CACNA2D1: variants seen among roughly 807,000 people sequenced by gnomAD.
CACNA2D1 encodes the protein calcium voltage-gated channel auxiliary subunit alpha2delta 1.
CACNA2D1 carries 53 observed loss-of-function variants against 171.5 expected under a neutral mutation model. That is an observed-to-expected ratio of 0.31 (90% CI 0.25 to 0.39). The LOEUF is 0.39. Ranked by LOEUF, CACNA2D1 falls within the 10% of genes least tolerant of loss-of-function variation. CACNA2D1 has a pLI of 1.00. For synonymous variants in CACNA2D1, 442 were observed against 443.1 expected (o/e 1.00, Z 0.03); for missense variants, 903 against 1,299.8 (o/e 0.69, Z 4.69).
chr7:82,271,226 TAGAAA>T (rs375735105), intron 3 of CACNA2D1, among the ~76,000 whole-genome samples: 46 of 152,176 alleles, frequency 3.0e-4, no homozygotes, highest in African/African-American at 1.1e-3. Flanking sequence ...ATTCATCATG[TAGAAA>T]AGAAAAGTAC....
chr7:82,054,880 A>AT (rs1805615471), intron 10 of CACNA2D1, among the ~76,000 whole-genome samples: 1 of 152,222 alleles, frequency 6.6e-6, no homozygotes, highest in South Asian at 2.1e-4. Context: ...TTTGAGAGAC[A>AT]TGGGGACAAC....
At chr7:82,055,965 A>G (rs1440653415) in intron 10 of CACNA2D1, among the ~76,000 whole-genome samples, 1 of 127,650 alleles carries the variant, frequency 7.8e-6, no homozygotes, top group African/African-American at 3.0e-5. Context: ...TAAAAAAAGG[A>G]AAGAATCCCA....
At chr7:82,235,098 A>G (rs1585178079) in intron 3 of CACNA2D1, among the ~76,000 whole-genome samples, 2 of 152,184 alleles carry the variant, frequency 1.3e-5, no homozygotes, top group East Asian at 3.9e-4. Flanking sequence ...TGAGCACACT[A>G]AAAAAGGAAA....
At chr7:82,300,091 G>C (rs1364127394) in intron 3 of CACNA2D1, among the ~76,000 whole-genome samples, 1 of 152,070 alleles carries the variant, frequency 6.6e-6, no homozygotes, top group African/African-American at 2.4e-5. Flanking sequence ...ATAACAATAG[G>C]GGTGGGTGTC....
chr7:82,303,244 A>G (rs1585409107), intron 3 of CACNA2D1, among the ~76,000 whole-genome samples: 1 of 151,886 alleles, frequency 6.6e-6, no homozygotes, highest in Non-Finnish European at 1.5e-5. Flanking sequence ...TGATCTGCCC[A>G]CCTTGGCCTC....
chr7:82,437,112 G>A (rs192941172), intron 1 of CACNA2D1, among the ~76,000 whole-genome samples: 2 of 152,202 alleles, frequency 1.3e-5, no homozygotes, highest in East Asian at 3.9e-4. Flanking sequence ...AGATTGAAGT[G>A]AAAAGGACCT....
chr7:82,332,546 G>GAAAGAAAGAAAGAA (rs1374587912), intron 3 of CACNA2D1, among the ~76,000 whole-genome samples: 2 of 133,314 alleles, frequency 1.5e-5, no homozygotes, highest in Non-Finnish European at 3.4e-5. Context: ...AAGAAAGAAA[G>GAAAGAAAGAAAGAA]AAAGAAAGAA....
intron 4 of CACNA2D1, among the ~76,000 whole-genome samples, chr7:82,169,956 A>G (rs1795847014): frequency 6.6e-6 from 1 of 151,604 alleles, no homozygotes. Context: ...TAAACTAGTA[A>G]CTCTTAGTTC....
chr7:82,141,903 A>G (rs1792441305), intron 4 of CACNA2D1, among the ~76,000 whole-genome samples: 1 of 152,216 alleles, frequency 6.6e-6, no homozygotes, highest in Non-Finnish European at 1.5e-5. Context: ...ATCATTTAAT[A>G]CTTTAATTAA....
rs188093934 is a variant in CACNA2D1 at position 82,399,527 on chromosome 7, G to C, written c.95+43838C>G. 3.8e-3 allele frequency among the ~76,000 whole-genome samples: 585 copies of C among 151,958 alleles called. 3 individuals carry two copies. The highest frequency in any genetic ancestry group is 0.013 in the African/African-American group (556 of 41,448). Reference sequence around the variant, plus strand: ...GATAGTAAAACAATTTAGAAAAAAAGTTCTTAACAATGATAAAACAATGAT... The same window carrying C: ...GATAGTAAAACAATTTAGAAAAAAACTTCTTAACAATGATAAAACAATGAT... On this transcript the variant is annotated intron_variant, in intron 1 of 38. Transcript: ENST00000356860.
At chr7:82,210,017 C>T (rs1360298121) in intron 3 of CACNA2D1, among the ~76,000 whole-genome samples, 1 of 152,060 alleles carries the variant, frequency 6.6e-6, no homozygotes, top group African/African-American at 2.4e-5. Context: ...TTGTGGAGGT[C>T]AGTAGTCAAG....
rs553282393 is a variant in CACNA2D1, at chr7:82,161,058, T to C, written c.354+9492A>G. Among the ~76,000 whole-genome samples the C allele has an allele frequency of 2.6e-4, 40 of 152,194 alleles. 1 individual carries two copies. Among genetic ancestry groups the C allele is most frequent in the Middle Eastern group, 6.8e-3 (2 of 294 alleles). On this transcript the variant is annotated intron_variant, in intron 4 of 38. Coordinates refer to ENST00000356860, the MANE Select transcript of CACNA2D1 (RefSeq NM_000722.4). ...AACAGGGCACCTTGTGTATTTTTTA[T>C]GCTAGGTTTGATGGGCAAGTAGATA... is the stretch of plus-strand genomic sequence containing the variant.
intron 3 of CACNA2D1, among the ~76,000 whole-genome samples, chr7:82,325,023 C>T (rs1217734514): frequency 2.0e-5 from 3 of 152,180 alleles, no homozygotes; most frequent in Non-Finnish European, 4.4e-5. Flanking sequence ...TGGCCTTTCG[C>T]TGTCAGCAGA....
At chr7:82,074,014 C>CA (rs1808657781) in intron 7 of CACNA2D1, among the ~76,000 whole-genome samples, 1 of 151,856 alleles carries the variant, frequency 6.6e-6, no homozygotes, top group African/African-American at 2.4e-5. Flanking sequence ...GAAAATAAAA[C>CA]AAAAAAATTA....
chr7:82,182,740 T>G (rs1242101727), intron 3 of CACNA2D1, among the ~76,000 whole-genome samples: 1 of 152,046 alleles, frequency 6.6e-6, no homozygotes, highest in East Asian at 1.9e-4. Flanking sequence ...TGAAATGAGA[T>G]GAATAAAAAT....
intron 3 of CACNA2D1, among the ~76,000 whole-genome samples, chr7:82,183,687 T>C (rs1797374406): frequency 6.6e-6 from 1 of 152,184 alleles, no homozygotes; most frequent in Admixed American, 6.5e-5. Flanking sequence ...AGCGACATCT[T>C]ATTCAACATT....
intron 3 of CACNA2D1, among the ~76,000 whole-genome samples, chr7:82,176,834 A>G (rs1348122428): frequency 1.4e-4 from 21 of 152,024 alleles, no homozygotes; most frequent in Non-Finnish European, 1.9e-4. Flanking sequence ...TTATATTCAT[A>G]TACCATATAC....
At chr7:82,035,545 G>A (rs1012737831) in intron 11 of CACNA2D1, among the ~76,000 whole-genome samples, 1 of 152,088 alleles carries the variant, frequency 6.6e-6, no homozygotes, top group Non-Finnish European at 1.5e-5. Flanking sequence ...AGTTATAAAG[G>A]CAGCAGGAGA....
intron 5 of CACNA2D1, among the ~76,000 whole-genome samples, chr7:82,118,537 T>C (rs1374589753): frequency 6.6e-6 from 1 of 152,132 alleles, no homozygotes; most frequent in African/African-American, 2.4e-5. Flanking sequence ...ACTTGTGCTT[T>C]CTGGTTTTTC....
Sources: gnomAD v4.1 joint callset for allele counts (sites outside exome capture counted in the v4.1 genomes callset) on GRCh38, gnomAD v4.1.1 for gene constraint, MANE v1.5 for transcripts, NCBI Gene and HGNC (gene_info 2026-07-23, HGNC 2026-07-21) for gene names.